CDH18: variants seen among roughly 807,000 people sequenced by gnomAD.
The protein encoded by CDH18 is cadherin 18, also known as cadherin-18.
A neutral mutation model predicts 67.9 loss-of-function variants in CDH18; 31 were observed. That is an observed-to-expected ratio of 0.46 (90% CI 0.34 to 0.62). CDH18 has a LOEUF of 0.62. Ranked by LOEUF, CDH18 falls within the 20% of genes least tolerant of loss-of-function variation. The pLI is 0.01. For missense variants in CDH18, 890 were observed against 975.5 expected, an observed-to-expected ratio of 0.91 and a Z score of 1.17; for synonymous variants, 362 against 347.2, an observed-to-expected ratio of 1.04 and a Z score of -0.48.
chr5:19,971,465 A>G (rs568454170), intron 2 of CDH18, among the ~76,000 whole-genome samples: 1 of 152,174 alleles, frequency 6.6e-6, no homozygotes, highest in African/African-American at 2.4e-5. Flanking sequence ...ATGTATATAT[A>G]AAAAGATAGT....
intron 2 of CDH18, among the ~76,000 whole-genome samples, chr5:20,132,757 T>C (rs920553842): frequency 6.6e-6 from 1 of 152,164 alleles, no homozygotes; most frequent in African/African-American, 2.4e-5. Flanking sequence ...ATTCCTCACG[T>C]TCATCTCTTG....
intron 2 of CDH18, among the ~76,000 whole-genome samples, chr5:19,886,767 G>A (rs1221710477): frequency 6.6e-5 from 10 of 152,044 alleles, no homozygotes; most frequent in Admixed American, 5.9e-4. Flanking sequence ...ATGTCTACAC[G>A]TGTCCCCTTT....
At chr5:19,633,142 T>G (rs957902144) in intron 5 of CDH18, among the ~76,000 whole-genome samples, 2 of 152,230 alleles carry the variant, frequency 1.3e-5, no homozygotes, top group Non-Finnish European at 2.9e-5. Context: ...TCTTCTCTAG[T>G]GGATTTACTA....
intron 1 of CDH18, among the ~76,000 whole-genome samples, chr5:20,490,128 G>A (rs894927485): frequency 7.3e-5 from 11 of 151,216 alleles, no homozygotes; most frequent in Non-Finnish European, 1.2e-4. Flanking sequence ...ATTGCTACTC[G>A]CTAAAGAATG....
chr5:20,213,722 G>T (rs931632821), intron 2 of CDH18, among the ~76,000 whole-genome samples: 1 of 152,000 alleles, frequency 6.6e-6, no homozygotes, highest in African/African-American at 2.4e-5. Flanking sequence ...CTTCTGTGGG[G>T]TCAGTGGTAA....
At chr5:20,313,729 A>G (rs61575290) in intron 1 of CDH18, among the ~76,000 whole-genome samples, 10,907 of 151,942 alleles carry the variant, frequency 0.072, 633 homozygotes, top group East Asian at 0.29. Flanking sequence ...TTGATATTCT[A>G]TTTCTCTGTG....
At chr5:20,536,524 C>A (rs1581166920) in intron 1 of CDH18, among the ~76,000 whole-genome samples, 1 of 152,138 alleles carries the variant, frequency 6.6e-6, no homozygotes, top group African/African-American at 2.4e-5. Flanking sequence ...TGCTGTAGGC[C>A]TGAACGGTGC....
chr5:20,447,999 C>T lies in CDH18; in HGVS notation c.-580+127463G>A, dbSNP rs536894204. On this transcript the variant is annotated intron_variant, in intron 1 of 14. Transcript: ENST00000507958. ...ACATGTGCCATGTTGGTGTGCTGCA[C>T]CCATTAACTCATCATTTACATTAGG... Among the ~76,000 whole-genome samples, 234 of 151,932 alleles carry T rather than the reference C, an allele frequency of 1.5e-3. No individual in the cohort carries two copies. In the South Asian group the frequency reaches 0.019, roughly 12 times the overall value.
chr5:20,233,477 A>G (rs1280459272), intron 2 of CDH18, among the ~76,000 whole-genome samples: 1 of 151,984 alleles, frequency 6.6e-6, no homozygotes, highest in East Asian at 1.9e-4. Context: ...AGTTAGCACT[A>G]TAAATAATAT....
chr5:19,774,929 C>T (rs150380692), intron 3 of CDH18, among the ~76,000 whole-genome samples: 3 of 147,938 alleles, frequency 2.0e-5, no homozygotes, highest in African/African-American at 5.0e-5. Context: ...CAGAACCCAA[C>T]GGACCACGCA....
chr5:20,279,217 T>A (rs1314014821), intron 1 of CDH18, among the ~76,000 whole-genome samples: 1 of 151,512 alleles, frequency 6.6e-6, no homozygotes, highest in Non-Finnish European at 1.5e-5. Context: ...AGAAATTCCA[T>A]GCAAATAGAA....
chr5:19,568,665 A>T (rs1740850373), intron 8 of CDH18, among the ~76,000 whole-genome samples: 1 of 152,166 alleles, frequency 6.6e-6, no homozygotes, highest in Admixed American at 6.6e-5. Context: ...GCTCTTCACT[A>T]TGTGAAAATA....
At chr5:20,372,382 T>G (rs1191509294) in intron 1 of CDH18, among the ~76,000 whole-genome samples, 2 of 152,160 alleles carry the variant, frequency 1.3e-5, no homozygotes, top group African/African-American at 2.4e-5. Flanking sequence ...GTTTTGAAAA[T>G]GCAATAAATT....
rs139033344 is a variant in CDH18, at chr5:19,913,956, AAC to A, written c.-257+67102_-257+67103del. ...TAACTATGCTGAAAAATAATATAGAAACAATGCGATTATTTTAGCTTCTATCA... is the reference window on the plus strand; with the variant it reads ...TAACTATGCTGAAAAATAATATAGAAAATGCGATTATTTTAGCTTCTATCA... On this transcript the variant is annotated intron_variant, in intron 2 of 12. Coordinates refer to ENST00000382275, the MANE Select transcript of CDH18 (RefSeq NM_004934.5). 9.5e-3 allele frequency among the ~76,000 whole-genome samples: 1,445 copies of A among 152,176 alleles called. 22 individuals are homozygous for A. Among genetic ancestry groups the A allele is most frequent in the African/African-American group, 0.027 (1,131 of 41,532 alleles).
chr5:19,758,991 G>A (rs552573290), intron 3 of CDH18, among the ~76,000 whole-genome samples: 2 of 152,346 alleles, frequency 1.3e-5, no homozygotes, highest in African/African-American at 4.8e-5. Flanking sequence ...ATATACCTCT[G>A]AGGTAGGACA....
At chr5:20,180,131 A>C (rs1473168826) in intron 2 of CDH18, among the ~76,000 whole-genome samples, 1 of 152,102 alleles carries the variant, frequency 6.6e-6, no homozygotes, top group East Asian at 1.9e-4. Context: ...ATGAATGGAC[A>C]TGCAGTCAGG....
In CDH18 at chr5:20,421,679, AG is replaced by A. The variant is rs1218708323; in HGVS notation, c.-580+153782del. On this transcript the variant is annotated intron_variant, in intron 1 of 14. Transcript: ENST00000507958. Reference sequence around the variant, plus strand: ...CATGGGTTAGCATGAAGGATTTCACAGGTAAGTATCTTTATTAAAAAAGTAA... The same window carrying A: ...CATGGGTTAGCATGAAGGATTTCACAGTAAGTATCTTTATTAAAAAAGTAA... Among the ~76,000 whole-genome samples, 92 of 151,232 alleles carry A rather than the reference AG, an allele frequency of 6.1e-4. 8 individuals are homozygous for A. The highest frequency in any genetic ancestry group is 2.2e-3 in the African/African-American group (90 of 40,578).
intron 3 of CDH18, among the ~76,000 whole-genome samples, chr5:19,794,653 G>A (rs1776680345): frequency 1.3e-5 from 2 of 151,970 alleles, no homozygotes. Context: ...GACCTATAAT[G>A]TGTGTAATAG....
intron 2 of CDH18, among the ~76,000 whole-genome samples, chr5:20,202,110 T>C (rs1470173541): frequency 6.6e-6 from 1 of 152,188 alleles, no homozygotes; most frequent in Non-Finnish European, 1.5e-5. Context: ...AATCTAATTA[T>C]ATATGCTTCT....
Sources: gnomAD v4.1 joint callset for allele counts (sites outside exome capture counted in the v4.1 genomes callset) on GRCh38, gnomAD v4.1.1 for gene constraint, MANE v1.5 for transcripts, NCBI Gene and HGNC (gene_info 2026-07-23, HGNC 2026-07-21) for gene names.